Variants in PEX6 observed in about 807,000 individuals in gnomAD.
PEX6 encodes the protein peroxisomal biogenesis factor 6.
A neutral mutation model predicts 85.6 loss-of-function variants in PEX6; 55 were observed. The observed-to-expected ratio is 0.64, with a 90% CI of 0.52 to 0.80. The LOEUF is 0.80. PEX6 is among the 30% of genes least tolerant of loss of function. PEX6 has a pLI of 0.00. For synonymous variants in PEX6, 519 were observed against 549.1 expected (o/e 0.95, Z 0.77); for missense variants, 1,099 against 1,260.3 (o/e 0.87, Z 1.94).
At chr6:42,970,598 G>T (rs1406789181) in intron 3 of PEX6, among the ~76,000 whole-genome samples, 1 of 152,232 alleles carries the variant, frequency 6.6e-6, no homozygotes, top group Non-Finnish European at 1.5e-5. Context: ...CTGCTAATGG[G>T]TGCAGAGTTT....
chr6:42,964,357 T>C lies in PEX6; in HGVS notation c.2921A>G (p.Gln974Arg), dbSNP rs1211978587. ...CTCCTAGCAGGCAGCAAACTTGCGC[T>C]GGATGCGCTTGTACCGGAGCAGCTC... ...EQELLRYKRI[Q>R]RKFAAC The change falls in exon 17 of 17, where the codon CAG (glutamine) becomes CGG (arginine). Residue 974 changes from glutamine (Q) to arginine (R), a missense_variant. By Grantham distance (43) the Gln-to-Arg change is conservative. Transcript: ENST00000304611. The surrounding 1 kb of genome is among the most constrained non-coding windows in gnomAD (Gnocchi z 4.6). 6.2e-7 allele frequency: 1 copy of C among 1,613,670 alleles called. No individual in the cohort carries two copies. The highest frequency in any genetic ancestry group is 1.1e-5 in the South Asian group (1 of 91,090).
chr6:42,967,690 AG>A, intron 7 of PEX6, 127 bp from the exon 8 acceptor site: 2 of 754,050 alleles, frequency 2.7e-6, no homozygotes, highest in Non-Finnish European at 2.2e-6. Flanking sequence ...TAGGGAGATG[AG>A]CATCTACCCC....
At chr6:42,967,139 T>G (rs1271820390) in intron 8 of PEX6, among the ~76,000 whole-genome samples, 1 of 151,930 alleles carries the variant, frequency 6.6e-6, no homozygotes, top group African/African-American at 2.4e-5. Flanking sequence ...CTGGCTAACT[T>G]TGTATTTTTA....
rs1443640798 is a variant in PEX6, at chr6:42,978,593, C to T, written c.558G>A (p.Ala186=). The T allele has an allele frequency of 3.7e-6, 6 of 1,610,664 alleles. No individual in the cohort carries two copies. In the Admixed American group the frequency reaches 5.0e-5, roughly 13 times the overall value. The part of the protein sequence containing the change: ...PPPPPVVSSF[A]VSGTVRRLQG... ...GGAGTCGCCGCACTGTGCCAGAAACCGCAAAGGAGGACACCACGGGCGGGG... is the reference window on the plus strand; with the variant it reads ...GGAGTCGCCGCACTGTGCCAGAAACTGCAAAGGAGGACACCACGGGCGGGG... The change falls in exon 1 of 17, where the codon GCG becomes GCA. Residue 186 remains alanine, a synonymous_variant. Coordinates refer to ENST00000304611, the MANE Select transcript of PEX6 (RefSeq NM_000287.4).
intron 1 of PEX6, 127 bp from the exon 2 acceptor site, chr6:42,975,165 G>C (rs1284532652): frequency 3.6e-6 from 3 of 835,908 alleles, no homozygotes; most frequent in Non-Finnish European, 6.1e-6. Flanking sequence ...GTGGAAGGTG[G>C]GGCCTGAGGT....
chr6:42,975,857 GCATGTGCAC>G (rs1322933868), intron 1 of PEX6, among the ~76,000 whole-genome samples: 1 of 151,712 alleles, frequency 6.6e-6, no homozygotes. Context: ...GGGACTATAG[GCATGTGCAC>G]CACCATGCCT....
rs886061412 is a variant in PEX6 at position 42,978,433 on chromosome 6, C to T, written c.718G>A (p.Ala240Thr). 3 of 1,614,138 alleles carry T rather than the reference C, an allele frequency of 1.9e-6. No homozygotes were observed. Among genetic ancestry groups the T allele is most frequent in the Middle Eastern group, 1.6e-4 (1 of 6,062 alleles). The change falls in exon 1 of 17, where the codon GCT (alanine) becomes ACT (threonine). Residue 240 changes from alanine (A) to threonine (T), a missense_variant. By Grantham distance (58) the Ala-to-Thr change is moderately conservative. Around this residue, in one of 3 missense-constraint regions of PEX6, gnomAD observed 579 missense variants for 611.6 expected, o/e 0.95. Coordinates refer to ENST00000304611, the MANE Select transcript of PEX6 (RefSeq NM_000287.4). ...CGAGGTTCTAGGACCTGCACCCTAG[C>T]CAAGTGCGGCTGTGAAGTGTTCGAT... The part of the protein sequence containing the change: ...ESSNTSQPHL[A>T]RVQVLEPRWD...
chr6:42,966,145 C>T, intron 11 of PEX6, 40 bp from the exon 12 acceptor site: 1 of 1,611,322 alleles, frequency 6.2e-7, no homozygotes, highest in Non-Finnish European at 8.5e-7. Context: ...CCGTCAGATG[C>T]ACATACACAC....
At chr6:42,969,072 G>T in intron 5 of PEX6, 87 bp from the exon 6 acceptor site, 1 of 910,264 alleles carries the variant, frequency 1.1e-6, no homozygotes, top group Non-Finnish European at 1.8e-6. Context: ...GATCTAGAAA[G>T]CAGATACCCT....
chr6:42,966,568 T>C lies in PEX6; in HGVS notation c.2051A>G (p.Glu684Gly). ...CTGGGAGTGAGCTGTCTGCAGTTGCTCCAGTGCCTGCCCAAAGTCCTCAGC... is the reference window on the plus strand; with the variant it reads ...CTGGGAGTGAGCTGTCTGCAGTTGCCCCAGTGCCTGCCCAAAGTCCTCAGC... ...LLAEDFGQAL[E>G]QLQTAHSQAV... The change falls in exon 10 of 17, where the codon GAG becomes GGG. Residue 684 changes from glutamate to glycine, a missense_variant. Around this residue, in one of 3 missense-constraint regions of PEX6, gnomAD observed 514 missense variants for 627.0 expected, o/e 0.82. Coordinates refer to ENST00000304611, the MANE Select transcript of PEX6 (RefSeq NM_000287.4). 2 of 1,614,092 alleles carry C rather than the reference T, an allele frequency of 1.2e-6. No homozygotes were observed. Among genetic ancestry groups the C allele is most frequent in the East Asian group, 2.2e-5 (1 of 44,882 alleles).
At chr6:42,974,769 G>A in intron 2 of PEX6, 106 bp downstream of exon 2, 2 of 1,057,548 alleles carry the variant, frequency 1.9e-6, no homozygotes, top group South Asian at 1.3e-5. Context: ...CCGCAAATGT[G>A]GCTTCTTTTA....
In PEX6 at chr6:42,971,445, C is replaced by G. The variant is rs1770052260; in HGVS notation, c.1131-1458G>C. On this transcript the variant is annotated intron_variant, in intron 3 of 16. Transcript: ENST00000304611. This position sits in a 1 kb window ranked among gnomAD's most constrained non-coding sequence, Gnocchi z 4.4. ...CTCAGTGAATAGAAAGGCCAGAGCT[C>G]TGGAACCTATGTGGACACTGCTAAG... 6.6e-6 allele frequency among the ~76,000 whole-genome samples: 1 copy of G among 152,190 alleles called. No individual in the cohort carries two copies.
intron 3 of PEX6, 75 bp from the exon 4 acceptor site, chr6:42,970,062 T>C: frequency 8.5e-7 from 1 of 1,170,766 alleles, no homozygotes; most frequent in Non-Finnish European, 1.3e-6. Flanking sequence ...GGTTTCTCAA[T>C]CACAGAGGAC....
In PEX6 at chr6:42,978,319, C is replaced by T. The variant is rs370456987; in HGVS notation, c.832G>A (p.Ala278Thr). Residue 278 changes from alanine to threonine, a missense_variant, in exon 1 of 17, where the codon GCT becomes ACT. Ala to Thr is a moderately conservative substitution (Grantham distance 58). This residue lies in a region of PEX6 where 579 missense variants were observed against 611.6 expected (regional missense o/e 0.95). Transcript: ENST00000304611. ...DGLALVPATL[A>T]FNLGCDPLEM... is the part of the protein sequence containing the mutation. Reference sequence around the variant, plus strand: ...AGGGGGTCACAGCCAAGATTAAAAGCCAAAGTGGCAGGGACAAGCGCCAGT... The same window carrying T: ...AGGGGGTCACAGCCAAGATTAAAAGTCAAAGTGGCAGGGACAAGCGCCAGT... The T allele has an allele frequency of 3.7e-6, 6 of 1,614,208 alleles. No individual in the cohort carries two copies. The Admixed American group carries it at 1.0e-4, about 27-fold the overall frequency.
rs1421584986 is a variant in PEX6, at chr6:42,979,003, G to GCCCTGCCGGGCTCTC, written c.133_147dup (p.Glu45_Gly49dup). 1 of 1,515,024 alleles carries GCCCTGCCGGGCTCTC rather than the reference G, an allele frequency of 6.6e-7. No individual in the cohort carries two copies. The highest frequency in any genetic ancestry group is 1.4e-5 in the African/African-American group (1 of 70,648). 93.8% of individuals were successfully genotyped at this position (1,515,024 alleles called of 1,614,324 possible). A position where few individuals can be genotyped will look rare whatever the true frequency, so the allele number is the denominator to read the frequency against. ...TCCAGGGCTGCCACCAGCAGCGCCG[G>GCCCTGCCGGGCTCTC]CCCTGCCGGGCTCTCCCCTGCAGGC... On this transcript the variant is annotated inframe_insertion, in exon 1 of 17. Transcript: ENST00000304611.
chr6:42,964,522 G>A lies in PEX6; in HGVS notation c.2807-51C>T, dbSNP rs765938065. The A allele has an allele frequency of 6.2e-7, 1 of 1,605,270 alleles. No homozygotes were observed. Among genetic ancestry groups the A allele is most frequent in the Non-Finnish European group, 8.5e-7 (1 of 1,174,200 alleles). ...GTGGTCTATGCCCAGGCAGGGGAGAGCCCTGCGAAGGTGGCTTCCTGCTCA... is the reference window on the plus strand; with the variant it reads ...GTGGTCTATGCCCAGGCAGGGGAGAACCCTGCGAAGGTGGCTTCCTGCTCA... On this transcript the variant is annotated intron_variant, in intron 16 of 16. Coordinates refer to ENST00000304611, the MANE Select transcript of PEX6 (RefSeq NM_000287.4). This position sits in a 1 kb window ranked among gnomAD's most constrained non-coding sequence, Gnocchi z 4.6.
rs752644254 is a variant in PEX6, at chr6:42,978,949, C to G, written c.202G>C (p.Gly68Arg). The part of the protein sequence containing the change: ...EGPDAGTEEQ[G>R]PGPPQLLVSR... Reference sequence around the variant, plus strand: ...ACCAGTAGCTGCGGCGGCCCGGGACCCTGCTCTTCGGTGCCCGCGTCCGGC... The same window carrying G: ...ACCAGTAGCTGCGGCGGCCCGGGACGCTGCTCTTCGGTGCCCGCGTCCGGC... The change falls in exon 1 of 17, where the codon GGT (glycine) becomes CGT (arginine). Residue 68 changes from glycine to arginine, a missense_variant. Gly to Arg is a moderately radical substitution (Grantham distance 125). Coordinates refer to ENST00000304611, the MANE Select transcript of PEX6 (RefSeq NM_000287.4). The G allele has an allele frequency of 6.7e-7, 1 of 1,495,968 alleles. No individual in the cohort carries two copies. Among genetic ancestry groups the G allele is most frequent in the African/African-American group, 1.5e-5 (1 of 68,742 alleles). 92.7% of individuals were successfully genotyped at this position (1,495,968 alleles called of 1,614,324 possible). A position where few individuals can be genotyped will look rare whatever the true frequency, so the allele number is the denominator to read the frequency against.
Position 42,968,403 on chromosome 6 carries a change from G to A in PEX6, c.1575C>T (p.Val525=). Residue 525 remains valine (V), a synonymous_variant, in exon 7 of 17, where the codon GTC becomes GTT. Coordinates refer to ENST00000304611, the MANE Select transcript of PEX6 (RefSeq NM_000287.4). The part of the protein sequence containing the change: ...FSRARRCRPA[V]LLLTAVDLLG... ...GAAGGTCCACAGCTGTGAGCAACAG[G>A]ACTGCAGGCCGGCAACGGCGGGCCC... 6.2e-7 allele frequency: 1 copy of A among 1,614,082 alleles called. No individual in the cohort carries two copies.
intron 3 of PEX6, among the ~76,000 whole-genome samples, chr6:42,970,331 C>T (rs1337752767): frequency 6.6e-6 from 1 of 152,228 alleles, no homozygotes. Context: ...GCTTCGGTCT[C>T]CCCCTCAAAT....
Sources: allele counts gnomAD v4.1 joint callset (sites outside exome capture counted in the v4.1 genomes callset), GRCh38; gene constraint gnomAD v4.1.1; regional missense constraint gnomAD v4.1.1; non-coding constraint Gnocchi (gnomAD v3.1); transcripts MANE v1.5; gene names NCBI Gene and HGNC (gene_info 2026-07-23, HGNC 2026-07-21).